The following AGBL1 variants were observed in gnomAD, a reference collection of about 807,000 sequenced individuals.
The protein encoded by AGBL1 is AGBL carboxypeptidase 1.
A neutral mutation model predicts 118.9 loss-of-function variants in AGBL1; 130 were observed. That is an observed-to-expected ratio of 1.09 (90% confidence interval 0.95 to 1.26). The LOEUF is 1.26. AGBL1 is among the 50% of genes most tolerant of loss of function. The probability of loss-of-function intolerance (pLI) is 0.00; values close to 1 mark genes in which losing one functional copy is unlikely to be tolerated. For synonymous variants in AGBL1, 555 were observed against 478.9 expected (o/e 1.16, Z -2.08); for missense variants, 1,584 against 1,298.1 (o/e 1.22, Z -3.38).
At chr15:86,691,559 T>A (rs1363225263) in intron 22 of AGBL1, among the ~76,000 whole-genome samples, 2 of 152,154 alleles carry the variant, frequency 1.3e-5, no homozygotes, top group Non-Finnish European at 2.9e-5. Context: ...AGATGTTTGA[T>A]GCATGAGAGG....
chr15:86,745,499 A>C (rs576229654), intron 22 of AGBL1, among the ~76,000 whole-genome samples: 2 of 152,176 alleles, frequency 1.3e-5, no homozygotes, highest in African/African-American at 2.4e-5. Flanking sequence ...ACTACTGCCC[A>C]GAGAGGCTCA....
intron 13 of AGBL1, among the ~76,000 whole-genome samples, chr15:86,268,758 C>T (rs2079112009): frequency 6.6e-6 from 1 of 151,966 alleles, no homozygotes; most frequent in African/African-American, 2.4e-5. Context: ...GAGTGTGGTG[C>T]CCACAGAGAC....
At chr15:86,252,485 T>C (rs1344323958) in intron 7 of AGBL1, among the ~76,000 whole-genome samples, 1 of 152,168 alleles carries the variant, frequency 6.6e-6, no homozygotes, top group Non-Finnish European at 1.5e-5. Flanking sequence ...ATGAAGGTGA[T>C]AGAGGACTCA....
chr15:86,663,897 G>T (rs2085593368), intron 21 of AGBL1, among the ~76,000 whole-genome samples: 1 of 152,094 alleles, frequency 6.6e-6, no homozygotes, highest in African/African-American at 2.4e-5. Context: ...GCTACCTAAT[G>T]ATATAGTCTC....
intron 6 of AGBL1, among the ~76,000 whole-genome samples, chr15:86,227,606 G>A (rs78495061): frequency 1.3e-5 from 2 of 152,228 alleles, no homozygotes; most frequent in African/African-American, 4.8e-5. Context: ...ATTTCCACTT[G>A]TTGAGAATCA....
chr15:86,707,941 C>T (rs545986947), intron 22 of AGBL1, among the ~76,000 whole-genome samples: 4 of 152,012 alleles, frequency 2.6e-5, no homozygotes, highest in Non-Finnish European at 4.4e-5. Flanking sequence ...ATAGAGGGAG[C>T]GGGGAGGTCC....
intron 18 of AGBL1, among the ~76,000 whole-genome samples, chr15:86,420,972 A>C (rs551274655): frequency 6.6e-6 from 1 of 152,236 alleles, no homozygotes; most frequent in South Asian, 2.1e-4. Flanking sequence ...AAAAGATCAA[A>C]TCTATGTTTG....
intron 22 of AGBL1, among the ~76,000 whole-genome samples, chr15:86,858,545 C>T (rs1250641616): frequency 6.6e-6 from 1 of 151,406 alleles, no homozygotes; most frequent in Non-Finnish European, 1.5e-5. Context: ...ATCATTCATC[C>T]ATTCATTCAG....
At chr15:86,790,361 C>T (rs1187737327) in intron 22 of AGBL1, among the ~76,000 whole-genome samples, 2 of 151,792 alleles carry the variant, frequency 1.3e-5, no homozygotes, top group Non-Finnish European at 2.9e-5. Flanking sequence ...CACACACACA[C>T]ACACACGCAT....
At chr15:86,205,434 G>A (rs1016903038) in intron 5 of AGBL1, among the ~76,000 whole-genome samples, 4 of 152,224 alleles carry the variant, frequency 2.6e-5, no homozygotes, top group Admixed American at 1.3e-4. Context: ...AGATTTTCAT[G>A]TGGAGATGAG....
intron 23 of AGBL1, among the ~76,000 whole-genome samples, chr15:86,978,428 A>T (rs1276660656): frequency 6.6e-6 from 1 of 152,242 alleles, no homozygotes; most frequent in Non-Finnish European, 1.5e-5. Flanking sequence ...ACGAAGATTT[A>T]GACAAATAGC....
rs185822719 is a variant in AGBL1 at position 86,915,153 on chromosome 15, C to T, written c.*7859C>T. On this transcript the variant is annotated 3_prime_UTR_variant, in exon 23 of 23. Coordinates refer to ENST00000614907, the MANE Select transcript of AGBL1 (RefSeq NM_001386094.1). Reference sequence around the variant, plus strand: ...TTGGAGTCCAAAGCTAAGAATCAGACTCGGTAACACTGTTCTCACCTGGAC... The same window carrying T: ...TTGGAGTCCAAAGCTAAGAATCAGATTCGGTAACACTGTTCTCACCTGGAC... 5.3e-4 allele frequency: 81 copies of T among 152,316 alleles called. No individual in the cohort carries two copies. The highest frequency in any genetic ancestry group is 1.8e-3 in the African/African-American group (76 of 41,568). 9.4% of individuals were successfully genotyped at this position (152,316 alleles called of 1,614,324 possible).
At chr15:87,028,993 T>A (rs958002852) in exon 25 of AGBL1, 5 of 704,876 alleles carry the variant, frequency 7.1e-6, no homozygotes, top group South Asian at 2.1e-5. Context: ...ATCTAGTATA[T>A]CTACCTCCAT....
At chr15:86,361,455 A>G (rs2080803888) in intron 17 of AGBL1, among the ~76,000 whole-genome samples, 1 of 152,066 alleles carries the variant, frequency 6.6e-6, no homozygotes, top group Non-Finnish European at 1.5e-5. Flanking sequence ...TATTTCTGTT[A>G]GGTTCATTCA....
intron 21 of AGBL1, among the ~76,000 whole-genome samples, chr15:86,584,597 T>G (rs2084219576): frequency 6.6e-6 from 1 of 152,176 alleles, no homozygotes; most frequent in African/African-American, 2.4e-5. Context: ...TACAGTACAG[T>G]ATGAAGTCTG....
Position 86,805,930 on chromosome 15 carries a change from C to T in AGBL1, c.3159-101157C>T, listed in dbSNP as rs554705279. ...AGTCTACAACACTACAGTTAGAGCT[C>T]TGTAACAGCACAAACTCCAGAAAAT... On this transcript the variant is annotated intron_variant, in intron 22 of 22. Transcript: ENST00000614907. Among the ~76,000 whole-genome samples the T allele has an allele frequency of 5.3e-5, 8 of 152,142 alleles. No individual in the cohort carries two copies. The South Asian group carries it at 1.2e-3, about 24-fold the overall frequency.
rs561596051 is a variant in AGBL1, at chr15:86,655,217, A to C, written c.2995-19056A>C. 3.9e-5 allele frequency among the ~76,000 whole-genome samples: 6 copies of C among 152,280 alleles called. No individual in the cohort carries two copies. In the South Asian group the frequency reaches 6.2e-4, roughly 16 times the overall value. On this transcript the variant is annotated intron_variant, in intron 21 of 22. Transcript: ENST00000614907. ...AGGGACAGGTGTGCAGGGCATTCAA[A>C]CAGACCTTCCTTTTATTTCTGTTTA...
intron 21 of AGBL1, among the ~76,000 whole-genome samples, chr15:86,671,863 G>C (rs1313929330): frequency 6.6e-6 from 1 of 151,582 alleles, no homozygotes; most frequent in Non-Finnish European, 1.5e-5. Context: ...TATGACATTT[G>C]ACAGGTATGT....
intron 22 of AGBL1, among the ~76,000 whole-genome samples, chr15:86,853,034 C>T (rs1435050619): frequency 1.3e-5 from 2 of 150,262 alleles, no homozygotes; most frequent in Non-Finnish European, 3.0e-5. Flanking sequence ...ATTAGAATCA[C>T]ATGGGAAAGT....
Sources: allele counts gnomAD v4.1 joint callset (sites outside exome capture counted in the v4.1 genomes callset), GRCh38; gene constraint gnomAD v4.1.1; transcripts MANE v1.5; gene names NCBI Gene and HGNC (gene_info 2026-07-23, HGNC 2026-07-21).